Variants in TNIK observed in about 807,000 individuals in gnomAD.
TNIK encodes TRAF2 and NCK interacting kinase.
A neutral mutation model predicts 191.3 loss-of-function variants in TNIK; 49 were observed. The ratio of observed to expected loss-of-function variants is 0.26; its 90% CI spans 0.20 to 0.32. The LOEUF is 0.32. TNIK is among the 10% of genes least tolerant of loss of function. The pLI, the probability that TNIK is intolerant of heterozygous loss-of-function variation, is 1.00. For missense variants in TNIK, 1,155 were observed against 1,702.3 expected (o/e 0.68, Z 5.66); for synonymous variants, 594 against 600.9 (o/e 0.99, Z 0.17).
intron 2 of TNIK, among the ~76,000 whole-genome samples, chr3:171,320,215 C>A (rs747459420): frequency 1.2e-4 from 18 of 152,114 alleles, no homozygotes; most frequent in Non-Finnish European, 2.2e-4. Flanking sequence ...AATTAGCAGG[C>A]ATAGCTCAAA....
chr3:171,379,601 G>A (rs866074927), intron 1 of TNIK, among the ~76,000 whole-genome samples: 1 of 152,146 alleles, frequency 6.6e-6, no homozygotes, highest in African/African-American at 2.4e-5. Flanking sequence ...AACTCCATAA[G>A]GCAAGTTAAG....
intron 1 of TNIK, among the ~76,000 whole-genome samples, chr3:171,437,394 G>A (rs190702794): frequency 6.6e-6 from 1 of 152,324 alleles, no homozygotes; most frequent in East Asian, 1.9e-4. Context: ...ATAACCACAA[G>A]AGCCAGTGAG....
chr3:171,428,352 A>G (rs1402000426), intron 1 of TNIK, among the ~76,000 whole-genome samples: 1 of 152,088 alleles, frequency 6.6e-6, no homozygotes, highest in Non-Finnish European at 1.5e-5. Context: ...AGTCAAAGTT[A>G]CTCCCAAGGA....
intron 2 of TNIK, among the ~76,000 whole-genome samples, chr3:171,353,512 T>A (rs1420137002): frequency 6.6e-6 from 1 of 152,196 alleles, no homozygotes. Context: ...TATTGCTACT[T>A]TTACTGTGCA....
At chr3:171,312,396 T>TA (rs904006847) in intron 2 of TNIK, among the ~76,000 whole-genome samples, 46 of 151,872 alleles carry the variant, frequency 3.0e-4, no homozygotes, top group Middle Eastern at 3.4e-3. Context: ...TTTTCAAACT[T>TA]AAAAAAAACA....
In TNIK at chr3:171,108,181, G is replaced by A. The variant is rs1183956888; in HGVS notation, c.2285-19C>T. On this transcript the variant is annotated intron_variant, in intron 19 of 32. Coordinates refer to ENST00000436636, the MANE Select transcript of TNIK (RefSeq NM_015028.4). ...CTGTTGGCTAGAGGAAAAAAACAGA[G>A]GACCAAGAAAGAGATGGCCATCAAA... 15 of 1,518,258 alleles carry A rather than the reference G, an allele frequency of 9.9e-6. No homozygotes were observed. In the South Asian group the frequency reaches 1.9e-4, roughly 19 times the overall value. The allele number at this position is 1,518,258 out of a possible 1,614,324, so 94.0% of individuals were successfully genotyped here. A position where few individuals can be genotyped will look rare whatever the true frequency, so the allele number is the denominator to read the frequency against.
intron 2 of TNIK, among the ~76,000 whole-genome samples, chr3:171,261,272 T>G (rs980322995): frequency 4.6e-5 from 7 of 152,198 alleles, no homozygotes; most frequent in African/African-American, 1.4e-4. Context: ...TGCCTTCCCT[T>G]TTTTTGCTTA....
intron 2 of TNIK, among the ~76,000 whole-genome samples, chr3:171,321,793 AGCCAC>A (rs1755191508): frequency 6.6e-6 from 1 of 152,230 alleles, no homozygotes; most frequent in African/African-American, 2.4e-5. Context: ...TATCCCTCAG[AGCCAC>A]TATTTTAAAA....
chr3:171,283,476 A>T (rs2109267954), intron 2 of TNIK, among the ~76,000 whole-genome samples: 1 of 152,316 alleles, frequency 6.6e-6, no homozygotes, highest in Non-Finnish European at 1.5e-5. Flanking sequence ...GCTTCCAAAT[A>T]ATCAGCATCA....
At position 171,407,536 on chromosome 3, in the gene TNIK, C is replaced by T. The variant is rs908652381; in HGVS notation, c.58-37851G>A. On this transcript the variant is annotated intron_variant, in intron 1 of 32. Transcript: ENST00000436636. ...AACAGACTGAGGGATAAATACTCTC[C>T]CAGCCCCTGTTCTAAGTTGGCAGAC... is the stretch of plus-strand genomic sequence containing the variant. Among the ~76,000 whole-genome samples, 10 of 152,102 alleles carry T rather than the reference C, an allele frequency of 6.6e-5. No individual in the cohort carries two copies. In the East Asian group the frequency reaches 1.9e-3, roughly 29 times the overall value.
intron 4 of TNIK, among the ~76,000 whole-genome samples, chr3:171,205,064 G>A (rs1739886669): frequency 6.6e-6 from 1 of 152,190 alleles, no homozygotes; most frequent in Non-Finnish European, 1.5e-5. Flanking sequence ...TGGTAAGCAG[G>A]TGATAAATAT....
Position 171,157,637 on chromosome 3 carries a change from C to T in TNIK, c.1044G>A (p.Ser348=), listed in dbSNP as rs769429612. ...GCCTCAGAAAGTCCCTCCGCAGCGT[C>T]GACTCCCCTGGCAGATTCAGGATGG... ...PSSILNLPGE[S]TLRRDFLRLQ... The change falls in exon 12 of 33, where the codon TCG becomes TCA. Residue 348 remains serine, a synonymous_variant. Coordinates refer to ENST00000436636, the MANE Select transcript of TNIK (RefSeq NM_015028.4). 4.9e-5 allele frequency: 76 copies of T among 1,555,630 alleles called. No individual in the cohort carries two copies. Among genetic ancestry groups the T allele is most frequent in the Non-Finnish European group, 6.0e-5 (69 of 1,149,588 alleles).
Position 171,391,170 on chromosome 3 carries a change from G to A in TNIK, c.58-21485C>T, listed in dbSNP as rs143108106. On this transcript the variant is annotated intron_variant, in intron 1 of 32. Coordinates refer to ENST00000436636, the MANE Select transcript of TNIK (RefSeq NM_015028.4). The stretch of plus-strand genomic sequence containing the variant: ...ATCTCACATAAATCACCTTCGCTGG[G>A]ATGATTTGTCTTTCATCTAGACTGT... Among the ~76,000 whole-genome samples the A allele has an allele frequency of 4.2e-4, 64 of 152,294 alleles. 1 individual carries two copies. Among genetic ancestry groups the A allele is most frequent in the African/African-American group, 1.4e-3 (57 of 41,566 alleles).
chr3:171,277,498 A>G (rs1388087032), intron 2 of TNIK, among the ~76,000 whole-genome samples: 1 of 152,146 alleles, frequency 6.6e-6, no homozygotes, highest in Non-Finnish European at 1.5e-5. Context: ...CACTATTTTG[A>G]TTAAAAAAAA....
intron 2 of TNIK, among the ~76,000 whole-genome samples, chr3:171,233,213 G>A (rs1191751180): frequency 6.6e-6 from 1 of 152,024 alleles, no homozygotes; most frequent in African/African-American, 2.4e-5. Context: ...TGAGGAAGTC[G>A]TCTTCAATTT....
At chr3:171,083,245 A>T (rs1720914195) in intron 26 of TNIK, among the ~76,000 whole-genome samples, 1 of 152,174 alleles carries the variant, frequency 6.6e-6, no homozygotes, top group South Asian at 2.1e-4. Context: ...TGATCAACAC[A>T]AATGTCTGCT....
In TNIK at chr3:171,077,659, T is replaced by C. The variant is rs116980000; in HGVS notation, c.3448+1859A>G. Among the ~76,000 whole-genome samples, 17 of 152,248 alleles carry C rather than the reference T, an allele frequency of 1.1e-4. No homozygotes were observed. In the East Asian group the frequency reaches 3.3e-3, roughly 29 times the overall value. On this transcript the variant is annotated intron_variant, in intron 28 of 32. Coordinates refer to ENST00000436636, the MANE Select transcript of TNIK (RefSeq NM_015028.4). ...TCTCCTGGTTCTCAGGCCTTCAGAT[T>C]TGAACTGGACTTAAAACTTTGGCTC...
rs5854409 is a variant in TNIK at position 171,253,281 on chromosome 3, C to CAA, written c.124-25062_124-25061dup. Among the ~76,000 whole-genome samples, 562 of 135,978 alleles carry CAA rather than the reference C, an allele frequency of 4.1e-3. 6 individuals are homozygous for CAA. Among genetic ancestry groups the CAA allele is most frequent in the Middle Eastern group, 0.03 (8 of 266 alleles). 89.2% of individuals were successfully genotyped at this position (135,978 alleles called of 152,430 possible). A position where few individuals can be genotyped will look rare whatever the true frequency, so the allele number is the denominator to read the frequency against. ...CCTGGGCAACAAAGCAAGACTGTCT[C>CAA]AAAAAAAAAAAAAAGAAATAACTAA... is the stretch of plus-strand genomic sequence containing the variant. On this transcript the variant is annotated intron_variant, in intron 2 of 32. Coordinates refer to ENST00000436636, the MANE Select transcript of TNIK (RefSeq NM_015028.4).
At position 171,061,136 on chromosome 3, in the gene TNIK, G is replaced by A. The variant is rs1057105053; in HGVS notation, c.*2745C>T. Among the ~76,000 whole-genome samples, 9 of 152,096 alleles carry A rather than the reference G, an allele frequency of 5.9e-5. No homozygotes were observed. Among genetic ancestry groups the A allele is most frequent in the African/African-American group, 1.2e-4 (5 of 41,426 alleles). ...TGAGCCACAAGGACACCATTCTGACGTATTCTGCATGTTCTAGGCCTCCTT... is the reference window on the plus strand; with the variant it reads ...TGAGCCACAAGGACACCATTCTGACATATTCTGCATGTTCTAGGCCTCCTT... On this transcript the variant is annotated 3_prime_UTR_variant, in exon 33 of 33. Transcript: ENST00000436636.
Sources: gnomAD v4.1 joint callset for allele counts (sites outside exome capture counted in the v4.1 genomes callset) on GRCh38, gnomAD v4.1.1 for gene constraint, MANE v1.5 for transcripts, NCBI Gene and HGNC (gene_info 2026-07-23, HGNC 2026-07-21) for gene names.